ADORA2B: variants seen among roughly 807,000 people sequenced by gnomAD.
The protein encoded by ADORA2B is adenosine A2b receptor.
A neutral mutation model predicts 20.8 loss-of-function variants in ADORA2B; 18 were observed. The ratio of observed to expected loss-of-function variants is 0.87; its 90% CI spans 0.60 to 1.29. ADORA2B has a LOEUF of 1.29. ADORA2B is among the 50% of genes most tolerant of loss of function. The probability of loss-of-function intolerance (pLI) is 0.00; values close to 1 mark genes in which losing one functional copy is unlikely to be tolerated. For missense variants in ADORA2B, 441 were observed against 422.7 expected (o/e 1.04, Z -0.38); for synonymous variants, 179 against 178.3 (o/e 1.00, Z -0.03).
the ADORA2B span, among the ~76,000 whole-genome samples, chr17:15,894,596 G>T: frequency 6.6e-6 from 1 of 152,218 alleles, no homozygotes; most frequent in South Asian, 2.1e-4. Flanking sequence ...CAGTAACCAC[G>T]AGAGTGGTAG....
chr17:15,923,958 G>C, the ADORA2B span, among the ~76,000 whole-genome samples: 17 of 152,134 alleles, frequency 1.1e-4, no homozygotes, highest in African/African-American at 3.9e-4. Context: ...TGTTGCCCAG[G>C]CTGGAGCGCA....
chr17:15,866,345 G>C, the ADORA2B span, among the ~76,000 whole-genome samples: 1 of 151,904 alleles, frequency 6.6e-6, no homozygotes, highest in African/African-American at 2.4e-5. Flanking sequence ...AGGTCATGTG[G>C]GTAATGTGTA....
At chr17:15,853,697 TCA>T in the ADORA2B span, among the ~76,000 whole-genome samples, 2 of 152,218 alleles carry the variant, frequency 1.3e-5, no homozygotes, top group Non-Finnish European at 2.9e-5. Flanking sequence ...CCAGATGGTT[TCA>T]TCATGAAATC....
chr17:15,857,942 C>T, the ADORA2B span, among the ~76,000 whole-genome samples: 29,868 of 141,038 alleles, frequency 0.21, 3,388 homozygotes, highest in Non-Finnish European at 0.26. Flanking sequence ...GGGTGAATAT[C>T]TCCATTTTAT....
the ADORA2B span, among the ~76,000 whole-genome samples, chr17:15,866,996 G>A: frequency 6.6e-6 from 1 of 152,342 alleles, no homozygotes; most frequent in Admixed American, 6.5e-5. Context: ...TGTGTTGGCC[G>A]GGCTGGTCTC....
At chr17:15,905,425 G>C in the ADORA2B span, among the ~76,000 whole-genome samples, 1 of 152,152 alleles carries the variant, frequency 6.6e-6, no homozygotes, top group Non-Finnish European at 1.5e-5. Flanking sequence ...TCTGTCACCA[G>C]ACTGGAGTGC....
At chr17:15,857,089 G>C in the ADORA2B span, among the ~76,000 whole-genome samples, 1 of 152,238 alleles carries the variant, frequency 6.6e-6, no homozygotes, top group Non-Finnish European at 1.5e-5. Flanking sequence ...GGGACTTGGT[G>C]CCCTGTGTCC....
the ADORA2B span, among the ~76,000 whole-genome samples, chr17:15,891,941 A>G: frequency 6.9e-6 from 1 of 144,128 alleles, no homozygotes. Context: ...TCCACCTGCT[A>G]GGTTCAAGCA....
At chr17:15,879,262 T>C in the ADORA2B span, among the ~76,000 whole-genome samples, 2 of 151,934 alleles carry the variant, frequency 1.3e-5, no homozygotes, top group Non-Finnish European at 2.9e-5. Flanking sequence ...ACCAATCAGG[T>C]CAACATAGCA....
rs115083830 is a variant in ADORA2B at position 15,956,011 on chromosome 17, C to A, written c.335+10428C>A. On this transcript the variant is annotated intron_variant, in intron 1 of 1. Transcript: ENST00000304222. ...CTGGGATTACAGGCGTGAGCCACGC[C>A]TCTGGGATTCTTAATAGGCAGATGG... Among the ~76,000 whole-genome samples the A allele has an allele frequency of 6.4e-3, 979 of 152,278 alleles. 12 individuals carry two copies. Among genetic ancestry groups the A allele is most frequent in the African/African-American group, 0.023 (948 of 41,556 alleles).
chr17:15,927,887 G>A, the ADORA2B span, among the ~76,000 whole-genome samples: 2 of 152,160 alleles, frequency 1.3e-5, no homozygotes, highest in Non-Finnish European at 2.9e-5. Flanking sequence ...TGAGTAGACA[G>A]GGAAATATAG....
At chr17:15,909,465 C>T in the ADORA2B span, among the ~76,000 whole-genome samples, 3 of 152,156 alleles carry the variant, frequency 2.0e-5, no homozygotes, top group Non-Finnish European at 4.4e-5. Context: ...CAAGGGAGGC[C>T]CTGGCTGCTT....
At chr17:15,883,250 C>G in the ADORA2B span, among the ~76,000 whole-genome samples, 1 of 152,140 alleles carries the variant, frequency 6.6e-6, no homozygotes, top group Admixed American at 6.5e-5. Flanking sequence ...GTAAGCACAT[C>G]CAAAAATACA....
In ADORA2B at chr17:15,975,390, A is replaced by C; in HGVS notation, c.*48A>C. On this transcript the variant is annotated 3_prime_UTR_variant, in exon 2 of 2. Coordinates refer to ENST00000304222, the MANE Select transcript of ADORA2B (RefSeq NM_000676.4). ...GAGAAGATACAAATCCACAAGAAAC[A>C]AAGAGGACACGGCTGGTTTTCATTG... 6.4e-7 allele frequency: 1 copy of C among 1,565,564 alleles called. No homozygotes were observed. Among genetic ancestry groups the C allele is most frequent in the Non-Finnish European group, 8.6e-7 (1 of 1,156,172 alleles).
chr17:15,965,464 A>C lies in ADORA2B; in HGVS notation c.336-9215A>C, dbSNP rs151214843. Among the ~76,000 whole-genome samples the C allele has an allele frequency of 2.6e-4, 40 of 152,314 alleles. 2 individuals are homozygous for C. Among genetic ancestry groups the C allele is most frequent in the African/African-American group, 9.4e-4 (39 of 41,580 alleles). ...CACGGGAGAGGTGCTCTGGGTGGTC[A>C]TGAGCTGCCCTGAGAGCTCAGGGGC... On this transcript the variant is annotated intron_variant, in intron 1 of 1. Coordinates refer to ENST00000304222, the MANE Select transcript of ADORA2B (RefSeq NM_000676.4).
chr17:15,908,862 C>T, the ADORA2B span, among the ~76,000 whole-genome samples: 1 of 152,154 alleles, frequency 6.6e-6, no homozygotes, highest in African/African-American at 2.4e-5. Flanking sequence ...TGGGACACTT[C>T]TAAAGAGGGC....
chr17:15,884,200 G>A, the ADORA2B span, among the ~76,000 whole-genome samples: 48 of 152,214 alleles, frequency 3.2e-4, no homozygotes, highest in African/African-American at 9.6e-4. Flanking sequence ...AGAACTTGCC[G>A]TCATCTGCAT....
At chr17:15,874,052 ATATATATG>A in the ADORA2B span, among the ~76,000 whole-genome samples, 15 of 109,764 alleles carry the variant, frequency 1.4e-4, 1 homozygote, top group African/African-American at 6.3e-4. Context: ...GTATATATAT[ATATATATG>A]TGTGTGTGTA....
chr17:15,953,124 G>A (rs78672675), intron 1 of ADORA2B, among the ~76,000 whole-genome samples: 3,654 of 152,282 alleles, frequency 0.024, 148 homozygotes, highest in African/African-American at 0.083. Context: ...AGTGCAGGGT[G>A]CGCAGGAGCA....
Sources: gnomAD v4.1 joint callset for allele counts (sites outside exome capture counted in the v4.1 genomes callset) on GRCh38, gnomAD v4.1.1 for gene constraint, MANE v1.5 for transcripts, NCBI Gene and HGNC (gene_info 2026-07-23, HGNC 2026-07-21) for gene names.